CNTNAP5: variants seen among roughly 807,000 people sequenced by gnomAD.
CNTNAP5 encodes contactin-associated protein-like 5.
In CNTNAP5, 72 loss-of-function variants were observed where a neutral mutation model predicts 150.2. The observed-to-expected ratio is 0.48, with a 90% CI of 0.40 to 0.58. CNTNAP5 has a LOEUF of 0.58. Among genes scored for constraint, CNTNAP5 ranks in the 20% least tolerant of loss-of-function variants. CNTNAP5 has a pLI of 0.00. For synonymous variants in CNTNAP5, 672 were observed against 619.8 expected (o/e 1.08, Z -1.25); for missense variants, 1,636 against 1,626.2 (o/e 1.01, Z -0.10).
chr2:124,642,297 G>A (rs932439710), intron 12 of CNTNAP5, among the ~76,000 whole-genome samples: 6 of 152,038 alleles, frequency 3.9e-5, no homozygotes, highest in African/African-American at 7.2e-5. Context: ...TTGAGTGTGC[G>A]TGTGTGTGTA....
intron 1 of CNTNAP5, among the ~76,000 whole-genome samples, chr2:124,052,889 C>T (rs1321681018): frequency 6.6e-6 from 1 of 152,180 alleles, no homozygotes; most frequent in Admixed American, 6.5e-5. Context: ...CCCTCCTTTG[C>T]TAATGCCATT....
intron 3 of CNTNAP5, among the ~76,000 whole-genome samples, chr2:124,278,743 T>C (rs535653519): frequency 8.5e-5 from 13 of 152,312 alleles, no homozygotes; most frequent in African/African-American, 2.6e-4. Flanking sequence ...TTGAGTTACA[T>C]TGGTTTCTAG....
chr2:124,112,925 T>A (rs1199998009), intron 1 of CNTNAP5, among the ~76,000 whole-genome samples: 1 of 152,080 alleles, frequency 6.6e-6, no homozygotes, highest in African/African-American at 2.4e-5. Flanking sequence ...TCATTAGCAA[T>A]CAGGAAAATC....
chr2:124,611,507 TGTC>T lies in CNTNAP5; in HGVS notation c.1876+1588_1876+1590del, dbSNP rs1175221295. Among the ~76,000 whole-genome samples, 4 of 152,226 alleles carry T rather than the reference TGTC, an allele frequency of 2.6e-5. No homozygotes were observed. In the East Asian group the frequency reaches 7.7e-4, roughly 29 times the overall value. On this transcript the variant is annotated intron_variant, in intron 12 of 23. Transcript: ENST00000682447. ...ACATAATTAGAAATTGTGCTCCTGTTGTCTTTTCATGGTTGTGGTAACCTATAG... is the reference window on the plus strand; with the variant it reads ...ACATAATTAGAAATTGTGCTCCTGTTTTTTCATGGTTGTGGTAACCTATAG...
At chr2:124,208,830 A>G (rs140128013) in intron 1 of CNTNAP5, among the ~76,000 whole-genome samples, 15 of 152,340 alleles carry the variant, frequency 9.8e-5, no homozygotes, top group African/African-American at 1.4e-4. Flanking sequence ...TCCTTACTCA[A>G]AAATCTTTAC....
intron 1 of CNTNAP5, among the ~76,000 whole-genome samples, chr2:124,220,138 T>C (rs532989110): frequency 6.6e-6 from 1 of 151,572 alleles, no homozygotes; most frequent in Admixed American, 6.6e-5. Flanking sequence ...ACTATGTAAA[T>C]GTTCTTTAAA....
intron 3 of CNTNAP5, among the ~76,000 whole-genome samples, chr2:124,271,698 TATC>T (rs776845818): frequency 0.019 from 1,507 of 79,774 alleles, 10 homozygotes; most frequent in Middle Eastern, 0.046. Flanking sequence ...TCTATCTATC[TATC>T]ATCTATCTAT....
At chr2:124,270,522 T>G (rs1413824466) in intron 3 of CNTNAP5, among the ~76,000 whole-genome samples, 1 of 152,122 alleles carries the variant, frequency 6.6e-6, no homozygotes, top group Non-Finnish European at 1.5e-5. Flanking sequence ...CAACTTCATT[T>G]CATGCATGTT....
chr2:124,199,626 G>A (rs1158981590), intron 1 of CNTNAP5, among the ~76,000 whole-genome samples: 1 of 151,810 alleles, frequency 6.6e-6, no homozygotes, highest in Non-Finnish European at 1.5e-5. Context: ...TGTTGGTCAG[G>A]CTGGTCTTGA....
At chr2:124,894,619 C>G (rs774541275) in intron 21 of CNTNAP5, among the ~76,000 whole-genome samples, 2 of 150,588 alleles carry the variant, frequency 1.3e-5, no homozygotes, top group African/African-American at 5.0e-5. Context: ...AATGGCCTGA[C>G]GATGGCTCAC....
At chr2:124,805,601 A>G (rs892550232) in intron 19 of CNTNAP5, among the ~76,000 whole-genome samples, 1 of 152,210 alleles carries the variant, frequency 6.6e-6, no homozygotes, top group Admixed American at 6.5e-5. Context: ...AATAAAGCCA[A>G]CAAATATGTC....
intron 3 of CNTNAP5, among the ~76,000 whole-genome samples, chr2:124,368,997 A>AC (rs1034773540): frequency 6.6e-6 from 1 of 152,142 alleles, no homozygotes. Context: ...AAAACAAATA[A>AC]TTTTTTAAAA....
chr2:124,850,860 A>G (rs1167999191), intron 19 of CNTNAP5, among the ~76,000 whole-genome samples: 2 of 152,220 alleles, frequency 1.3e-5, no homozygotes, highest in African/African-American at 4.8e-5. Flanking sequence ...TAAGATACTG[A>G]TTATGAAAGG....
At chr2:124,794,158 T>C (rs1459903443) in intron 18 of CNTNAP5, among the ~76,000 whole-genome samples, 1 of 152,250 alleles carries the variant, frequency 6.6e-6, no homozygotes, top group African/African-American at 2.4e-5. Flanking sequence ...GCTACTACCT[T>C]CTCTTGTTTA....
intron 13 of CNTNAP5, among the ~76,000 whole-genome samples, chr2:124,700,559 A>T (rs1679500297): frequency 6.6e-6 from 1 of 152,116 alleles, no homozygotes; most frequent in South Asian, 2.1e-4. Context: ...AGTGGGTGTG[A>T]AATGGCATCT....
chr2:124,097,946 T>G (rs561881521), intron 1 of CNTNAP5, among the ~76,000 whole-genome samples: 1 of 152,144 alleles, frequency 6.6e-6, no homozygotes, highest in Non-Finnish European at 1.5e-5. Flanking sequence ...GAGAATGGCA[T>G]GAACCCGGGA....
chr2:124,056,700 C>A (rs775676517), intron 1 of CNTNAP5, among the ~76,000 whole-genome samples: 52 of 152,074 alleles, frequency 3.4e-4, no homozygotes, highest in Non-Finnish European at 6.2e-4. Flanking sequence ...CTACTCCTGC[C>A]ATGTGGTCAT....
intron 7 of CNTNAP5, among the ~76,000 whole-genome samples, chr2:124,498,410 C>T (rs61486571): frequency 0.04 from 6,159 of 152,218 alleles, 149 homozygotes; most frequent in Non-Finnish European, 0.042. Context: ...AAGGGGAAAG[C>T]ATAATCAGTC....
At chr2:124,286,822 AGC>A (rs1688165100) in intron 3 of CNTNAP5, among the ~76,000 whole-genome samples, 1 of 152,178 alleles carries the variant, frequency 6.6e-6, no homozygotes, top group Non-Finnish European at 1.5e-5. Flanking sequence ...CTCTTTCAGC[AGC>A]TCCCGTTAAT....
Sources: gnomAD v4.1 joint callset for allele counts (sites outside exome capture counted in the v4.1 genomes callset) on GRCh38, gnomAD v4.1.1 for gene constraint, MANE v1.5 for transcripts, NCBI Gene and HGNC (gene_info 2026-07-23, HGNC 2026-07-21) for gene names.